Variants in HERC2 observed in about 807,000 individuals in gnomAD.
HERC2 encodes HECT and RLD domain containing E3 ubiquitin protein ligase 2.
In HERC2, 102 loss-of-function variants were observed where a neutral mutation model predicts 537.7. That is an observed-to-expected ratio of 0.19 (90% CI 0.16 to 0.22). The LOEUF is 0.22. HERC2 is among the 10% of genes least tolerant of loss of function. HERC2 has a pLI of 1.00. For synonymous variants in HERC2, 2,224 were observed against 2,466.2 expected, an observed-to-expected ratio of 0.90 and a Z score of 2.91; for missense variants, 4,236 against 6,198.2, an observed-to-expected ratio of 0.68 and a Z score of 10.63.
chr15:28,269,060 T>C (rs2075648309), intron 11 of HERC2, among the ~76,000 whole-genome samples, 188 bp downstream of exon 11: 1 of 152,232 alleles, frequency 6.6e-6, no homozygotes, highest in South Asian at 2.1e-4. Flanking sequence ...CTGTAAGGAC[T>C]TCCTAATCTT....
chr15:28,186,632 G>A lies in HERC2; in HGVS notation c.8770C>T (p.Pro2924Ser), dbSNP rs1251293137. ...RAEEEDLAAV[P>S]FLASDNEEEE... ...TCTTCATTATCCGAAGCTAAGAAAG[G>A]AACTGCAGCCAAATCTTCCTCTTCT... is the stretch of plus-strand genomic sequence containing the variant. Residue 2924 changes from proline (P) to serine (S), a missense_variant, in exon 56 of 93, where the codon CCT becomes TCT. Transcript: ENST00000261609. The A allele has an allele frequency of 4.3e-6, 7 of 1,613,900 alleles. No individual in the cohort carries two copies. The highest frequency in any genetic ancestry group is 5.9e-6 in the Non-Finnish European group (7 of 1,179,998).
chr15:28,111,527 C>T lies in HERC2; in HGVS notation c.*236G>A. 1 of 566,630 alleles carries T rather than the reference C, an allele frequency of 1.8e-6. No individual in the cohort carries two copies. Among genetic ancestry groups the T allele is most frequent in the South Asian group, 2.4e-5 (1 of 40,978 alleles). 35.1% of individuals were successfully genotyped at this position (566,630 alleles called of 1,614,324 possible). A position where few individuals can be genotyped will look rare whatever the true frequency, so the allele number is the denominator to read the frequency against. On this transcript the variant is annotated 3_prime_UTR_variant, in exon 93 of 93. Transcript: ENST00000261609. ...AGTAAACACAGTCCTACATGTAATG[C>T]AGCATTACGGGTGAGAAGACCCTTG...
At chr15:28,191,093 C>A (rs1310651800) in intron 54 of HERC2, 37 bp from the exon 55 acceptor site, 1 of 1,593,846 alleles carries the variant, frequency 6.3e-7, no homozygotes, top group Non-Finnish European at 8.6e-7. Context: ...ACAAAGGCGT[C>A]TTTATTATAG....
At chr15:28,300,643 G>A (rs1239505316) in intron 2 of HERC2, among the ~76,000 whole-genome samples, 1 of 148,118 alleles carries the variant, frequency 6.8e-6, no homozygotes, top group African/African-American at 2.5e-5. Context: ...CCAACATGGT[G>A]AAACCCCATC....
chr15:28,130,142 C>T lies in HERC2; in HGVS notation c.12802+21G>A, dbSNP rs772572156. ...CTTAGATTCACAGGCCTCAGTCCTG[C>T]GGCACTGAGCCCCTACCTACCATCC... On this transcript the variant is annotated intron_variant, in intron 83 of 92. Coordinates refer to ENST00000261609, the MANE Select transcript of HERC2 (RefSeq NM_004667.6). The T allele has an allele frequency of 1.2e-5, 19 of 1,613,652 alleles. 1 individual carries two copies. In the South Asian group the frequency reaches 1.2e-4, roughly 10 times the overall value.
At chr15:28,184,698 A>G (rs1405261999) in intron 56 of HERC2, among the ~76,000 whole-genome samples, 1 of 151,480 alleles carries the variant, frequency 6.6e-6, no homozygotes, top group Non-Finnish European at 1.5e-5. Flanking sequence ...CGTCTCTACT[A>G]AAAATACAAA....
intron 52 of HERC2, among the ~76,000 whole-genome samples, chr15:28,195,750 A>G (rs1897294274): frequency 6.6e-6 from 1 of 152,112 alleles, no homozygotes; most frequent in Admixed American, 6.6e-5. Flanking sequence ...TTGGTAAGAG[A>G]CAGTTGTGAT....
rs1019229307 is a variant in HERC2 at position 28,111,492 on chromosome 15, T to G, written c.*271A>C. 2.2e-6 allele frequency: 1 copy of G among 456,746 alleles called. No homozygotes were observed. Among genetic ancestry groups the G allele is most frequent in the African/African-American group, 2.0e-5 (1 of 51,140 alleles). The allele number at this position is 456,746 out of a possible 1,614,324, so 28.3% of individuals were successfully genotyped here. On this transcript the variant is annotated 3_prime_UTR_variant, in exon 93 of 93. Transcript: ENST00000261609. Reference sequence around the variant, plus strand: ...GCAATTTGGTATTTATATAAACATTTACACACTTTAGTAAACACAGTCCTA... The same window carrying G: ...GCAATTTGGTATTTATATAAACATTGACACACTTTAGTAAACACAGTCCTA...
intron 35 of HERC2, 75 bp from the exon 36 acceptor site, chr15:28,222,290 C>T: frequency 3.0e-6 from 2 of 675,370 alleles, no homozygotes; most frequent in South Asian, 3.2e-5. Context: ...AAAACATTCA[C>T]AAAGTACTAA....
At chr15:28,271,454 G>A (rs1251458907) in intron 9 of HERC2, among the ~76,000 whole-genome samples, 2 of 152,174 alleles carry the variant, frequency 1.3e-5, no homozygotes, top group Non-Finnish European at 2.9e-5. Context: ...GGATCACAAG[G>A]TCGAGAGATC....
intron 78 of HERC2, among the ~76,000 whole-genome samples, 153 bp downstream of exon 78, chr15:28,141,279 T>C (rs1433276673): frequency 6.6e-6 from 1 of 151,960 alleles, no homozygotes; most frequent in Non-Finnish European, 1.5e-5. Context: ...CAAAAATATC[T>C]TAGAACTCTA....
rs79868153 is a variant in HERC2, at chr15:28,273,940, A to G, written c.800+351T>C. Among the ~76,000 whole-genome samples the G allele has an allele frequency of 1.1e-3, 171 of 152,284 alleles. 2 individuals are homozygous for G. Among genetic ancestry groups the G allele is most frequent in the Middle Eastern group, 6.8e-3 (2 of 294 alleles). On this transcript the variant is annotated intron_variant, in intron 7 of 92. Coordinates refer to ENST00000261609, the MANE Select transcript of HERC2 (RefSeq NM_004667.6). ...TGTTTACTCCCACATTATCTATAAG[A>G]CTTCAAACCAAGCACCACTCCGCAC...
chr15:28,199,761 T>A (rs1426394111), intron 48 of HERC2, among the ~76,000 whole-genome samples: 1 of 152,164 alleles, frequency 6.6e-6, no homozygotes, highest in African/African-American at 2.4e-5. Flanking sequence ...CCTATGAAGC[T>A]TCCTGCCTGA....
chr15:28,129,146 C>T (rs570606341), intron 83 of HERC2, among the ~76,000 whole-genome samples: 4 of 152,292 alleles, frequency 2.6e-5, no homozygotes, highest in Admixed American at 2.0e-4. Context: ...TTCCCCGGAC[C>T]GCCCCACGCT....
intron 5 of HERC2, among the ~76,000 whole-genome samples, chr15:28,278,770 CAA>C (rs2075946067): frequency 6.6e-6 from 1 of 152,174 alleles, no homozygotes; most frequent in South Asian, 2.1e-4. Flanking sequence ...TCCAGGGAGT[CAA>C]AGTCACTATC....
intron 19 of HERC2, among the ~76,000 whole-genome samples, chr15:28,255,141 G>A (rs1176268389): frequency 2.0e-5 from 3 of 152,114 alleles, no homozygotes; most frequent in Non-Finnish European, 4.4e-5. Context: ...TTCGAGACCA[G>A]CCTGTGCAAC....
chr15:28,134,235 T>A (rs377454218), intron 79 of HERC2, among the ~76,000 whole-genome samples: 9 of 152,348 alleles, frequency 5.9e-5, no homozygotes, highest in African/African-American at 2.2e-4. Context: ...GAGAGGGTAT[T>A]CTAAGTGGTA....
intron 65 of HERC2, among the ~76,000 whole-genome samples, chr15:28,173,784 C>A: frequency 1.4e-5 from 2 of 138,478 alleles, no homozygotes; most frequent in African/African-American, 2.8e-5. Context: ...GAGTGAGACC[C>A]TGTCTACAAA....
rs137965017 is a variant in HERC2 at position 28,299,448 on chromosome 15, G to A, written c.141C>T (p.Tyr47=). 25 of 1,598,716 alleles carry A rather than the reference G, an allele frequency of 1.6e-5. No homozygotes were observed. Among genetic ancestry groups the A allele is most frequent in the Non-Finnish European group, 2.1e-5 (24 of 1,166,316 alleles). ...CGTTCTGGGTTGATTCTGTTCCAGT[G>A]TATACAATTTCTCCATCTTTAACCA... ...NEMVKDGEIV[Y]TGTESTQNGE... Residue 47 remains tyrosine (Y), a synonymous_variant, in exon 3 of 93, where the codon TAC becomes TAT. Coordinates refer to ENST00000261609, the MANE Select transcript of HERC2 (RefSeq NM_004667.6).
Sources: allele counts gnomAD v4.1 joint callset (sites outside exome capture counted in the v4.1 genomes callset), GRCh38; gene constraint gnomAD v4.1.1; transcripts MANE v1.5; gene names NCBI Gene and HGNC (gene_info 2026-07-23, HGNC 2026-07-21).